SEMA3A: variants seen among roughly 807,000 people sequenced by gnomAD.
SEMA3A encodes the protein semaphorin-3A.
Under a neutral mutation model 97.9 loss-of-function variants are expected in SEMA3A, and 29 were observed. That is an observed-to-expected ratio of 0.30 (90% CI 0.22 to 0.40). SEMA3A has a LOEUF of 0.40. Ranked by LOEUF, SEMA3A falls within the 10% of genes least tolerant of loss-of-function variation. The probability of loss-of-function intolerance (pLI) is 1.00; values close to 1 mark genes in which losing one functional copy is unlikely to be tolerated. For synonymous variants in SEMA3A, 321 were observed against 323.7 expected (o/e 0.99, Z 0.09); for missense variants, 763 against 951.3 (o/e 0.80, Z 2.60).
chr7:84,211,564 T>C (rs1431149151), intron 3 of SEMA3A, among the ~76,000 whole-genome samples: 1 of 151,814 alleles, frequency 6.6e-6, no homozygotes, highest in East Asian at 1.9e-4. Flanking sequence ...GGAGGTTGCA[T>C]TGAGCTGGGA....
intron 1 of SEMA3A, among the ~76,000 whole-genome samples, chr7:84,176,138 G>A (rs968147406): frequency 1.3e-5 from 2 of 152,076 alleles, no homozygotes; most frequent in African/African-American, 4.8e-5. Flanking sequence ...GTTTCCTGGG[G>A]TTTATAAATT....
intron 2 of SEMA3A, among the ~76,000 whole-genome samples, chr7:84,309,503 GA>G (rs1801261260): frequency 6.6e-6 from 1 of 152,118 alleles, no homozygotes; most frequent in African/African-American, 2.4e-5. Flanking sequence ...CTTGATGATG[GA>G]CCTCTCTGAC....
At chr7:84,471,006 A>C (rs1806131566) in intron 1 of SEMA3A, among the ~76,000 whole-genome samples, 1 of 152,150 alleles carries the variant, frequency 6.6e-6, no homozygotes, top group Non-Finnish European at 1.5e-5. Flanking sequence ...GGCCTATTTT[A>C]ACAGCTTTCC....
chr7:84,050,345 T>G (rs1172795798), intron 5 of SEMA3A, among the ~76,000 whole-genome samples: 4 of 152,184 alleles, frequency 2.6e-5, no homozygotes, highest in Non-Finnish European at 2.9e-5. Flanking sequence ...AGTGTTCCTA[T>G]TTCTCCACAT....
At chr7:84,311,435 T>A (rs113997658) in intron 2 of SEMA3A, among the ~76,000 whole-genome samples, 5,161 of 152,030 alleles carry the variant, frequency 0.034, 103 homozygotes, top group South Asian at 0.046. Context: ...TAGTACACTG[T>A]AGTATGTGAT....
chr7:84,226,308 T>C (rs1023463647), intron 3 of SEMA3A, among the ~76,000 whole-genome samples: 4 of 151,884 alleles, frequency 2.6e-5, no homozygotes, highest in Non-Finnish European at 5.9e-5. Context: ...TATAAGAAAG[T>C]CTTAAAATAA....
At chr7:84,174,682 A>G (rs1349395214) in intron 1 of SEMA3A, among the ~76,000 whole-genome samples, 1 of 152,168 alleles carries the variant, frequency 6.6e-6, no homozygotes, top group Non-Finnish European at 1.5e-5. Flanking sequence ...AAACAATGAA[A>G]GTTTTTATCC....
intron 2 of SEMA3A, among the ~76,000 whole-genome samples, chr7:84,129,638 A>T (rs1361090582): frequency 6.6e-6 from 1 of 152,010 alleles, no homozygotes; most frequent in Non-Finnish European, 1.5e-5. Context: ...CCTGAAACAA[A>T]TCTCAGCATG....
intron 15 of SEMA3A, among the ~76,000 whole-genome samples, chr7:83,971,350 T>C (rs184199752): frequency 4.9e-4 from 75 of 151,740 alleles, no homozygotes; most frequent in African/African-American, 1.7e-3. Flanking sequence ...AAGAATTGCC[T>C]GAACCCGGGA....
intron 4 of SEMA3A, among the ~76,000 whole-genome samples, chr7:84,072,187 C>T (rs1490420666): frequency 2.6e-5 from 4 of 151,830 alleles, no homozygotes; most frequent in Non-Finnish European, 5.9e-5. Context: ...GTTCAAAGTC[C>T]CTTTATCTTT....
intron 15 of SEMA3A, among the ~76,000 whole-genome samples, chr7:83,969,383 C>G (rs971723923): frequency 2.0e-5 from 3 of 152,118 alleles, no homozygotes; most frequent in African/African-American, 7.2e-5. Context: ...TAGTTATCTC[C>G]TTAGAGTATG....
At chr7:84,192,229 A>G (rs889511377) in intron 1 of SEMA3A, among the ~76,000 whole-genome samples, 4 of 152,008 alleles carry the variant, frequency 2.6e-5, no homozygotes, top group African/African-American at 9.7e-5. Context: ...CTTTAAAAAA[A>G]TCTCTATTGT....
chr7:84,166,691 TG>T (rs1188232709), intron 1 of SEMA3A, among the ~76,000 whole-genome samples: 1 of 150,772 alleles, frequency 6.6e-6, no homozygotes, highest in African/African-American at 2.4e-5. Flanking sequence ...GCCAAGATGG[TG>T]AAACCCCGTC....
intron 3 of SEMA3A, among the ~76,000 whole-genome samples, chr7:84,112,463 TGTCA>T (rs1443932297): frequency 6.6e-6 from 1 of 152,208 alleles, no homozygotes; most frequent in Non-Finnish European, 1.5e-5. Flanking sequence ...TTTTCAGTCC[TGTCA>T]GTATCACCTA....
chr7:84,295,275 T>C (rs983702743), intron 3 of SEMA3A, among the ~76,000 whole-genome samples: 25 of 152,066 alleles, frequency 1.6e-4, no homozygotes, highest in African/African-American at 6.0e-4. Flanking sequence ...CAGTATCATT[T>C]TGTTGTTAAA....
In SEMA3A at chr7:84,154,995, G is replaced by GC. The variant is rs61592056; in HGVS notation, c.113-20045dup. Among the ~76,000 whole-genome samples the GC allele has an allele frequency of 5.4e-3, 825 of 152,200 alleles. 9 individuals carry two copies. The highest frequency in any genetic ancestry group is 0.019 in the African/African-American group (796 of 41,506). On this transcript the variant is annotated intron_variant, in intron 1 of 16. Transcript: ENST00000265362. The stretch of plus-strand genomic sequence containing the variant: ...CATGCTGAAGCAGCATGTCTAAAGT[G>GC]CTTGGGTCCAAATGTCCACCTCTCT...
rs1803106129 is a variant in SEMA3A at position 84,376,563 on chromosome 7, C to T, written c.-245-4663G>A. ...AGCTTGCAGTGAGCCGAGATCGCGC[C>T]ACTGCACTCCAGCCTGGGCGACAGA... On this transcript the variant is annotated intron_variant, in intron 1 of 3. Coordinates refer to the SEMA3A transcript ENST00000424555. Among the ~76,000 whole-genome samples the T allele has an allele frequency of 2.0e-5, 2 of 100,382 alleles. 1 individual carries two copies. Among genetic ancestry groups the T allele is most frequent in the Non-Finnish European group, 3.9e-5 (2 of 50,948 alleles). 65.9% of individuals were successfully genotyped at this position (100,382 alleles called of 152,430 possible). A position where few individuals can be genotyped will look rare whatever the true frequency, so the allele number is the denominator to read the frequency against.
intron 1 of SEMA3A, among the ~76,000 whole-genome samples, chr7:84,153,463 A>G (rs1200431486): frequency 6.6e-6 from 1 of 152,154 alleles, no homozygotes; most frequent in Non-Finnish European, 1.5e-5. Flanking sequence ...TTACCTTATG[A>G]TCATGTGATG....
intron 1 of SEMA3A, among the ~76,000 whole-genome samples, chr7:84,373,260 G>T (rs1430328100): frequency 6.6e-6 from 1 of 152,072 alleles, no homozygotes; most frequent in African/African-American, 2.4e-5. Context: ...CCTGTAGTTT[G>T]GTATTCCATA....
Sources: gnomAD v4.1 joint callset for allele counts (sites outside exome capture counted in the v4.1 genomes callset) on GRCh38, gnomAD v4.1.1 for gene constraint, MANE v1.5 for transcripts, NCBI Gene and HGNC (gene_info 2026-07-23, HGNC 2026-07-21) for gene names.